The following ATAD5 variants were observed in gnomAD, a reference collection of about 807,000 sequenced individuals.
ATAD5 encodes the protein ATPase family AAA domain-containing protein 5.
Under a neutral mutation model 176.9 loss-of-function variants are expected in ATAD5, and 58 were observed. That is an observed-to-expected ratio of 0.33 (90% CI 0.27 to 0.41). ATAD5 has a LOEUF of 0.41. Ranked by LOEUF, ATAD5 falls within the 10% of genes least tolerant of loss-of-function variation. The pLI is 1.00. For synonymous variants in ATAD5, 640 were observed against 712.6 expected, an observed-to-expected ratio of 0.90 and a Z score of 1.62; for missense variants, 1,789 against 2,094.1, an observed-to-expected ratio of 0.85 and a Z score of 2.84.
At chr17:30,853,091 T>C (rs1159414971) in intron 6 of ATAD5, among the ~76,000 whole-genome samples, 1 of 151,932 alleles carries the variant, frequency 6.6e-6, no homozygotes, top group East Asian at 1.9e-4. Flanking sequence ...GGTTTCGCCA[T>C]GTTGGCCTGG....
intron 14 of ATAD5, among the ~76,000 whole-genome samples, chr17:30,874,370 G>A (rs1188427172): frequency 6.0e-5 from 9 of 149,962 alleles, no homozygotes; most frequent in East Asian, 4.0e-4. Context: ...TTGAAATCCC[G>A]TCTCTACTAA....
intron 6 of ATAD5, among the ~76,000 whole-genome samples, chr17:30,849,303 C>T (rs754758881): frequency 2.0e-5 from 3 of 152,102 alleles, no homozygotes; most frequent in Non-Finnish European, 2.9e-5. Context: ...TGCTGTGTTT[C>T]TCAGCCTGGC....
chr17:30,832,001 A>T lies in ATAD5; in HGVS notation c.-347A>T. 2.9e-6 allele frequency: 1 copy of T among 349,156 alleles called. No homozygotes were observed. Among genetic ancestry groups the T allele is most frequent in the Non-Finnish European group, 5.1e-6 (1 of 195,016 alleles). The allele number at this position is 349,156 out of a possible 1,614,324, so 21.6% of individuals were successfully genotyped here. ...CGGCGCGAAAACCCAATTGACAAGA[A>T]TTCCCTCCGAAGCTCTGTGGTCCGA... On this transcript the variant is annotated 5_prime_UTR_variant, in exon 1 of 23. Transcript: ENST00000321990.
In ATAD5 at chr17:30,894,125, T is replaced by C; in HGVS notation, c.5272T>C (p.Phe1758Leu). 6.4e-7 allele frequency: 1 copy of C among 1,569,364 alleles called. No homozygotes were observed. The highest frequency in any genetic ancestry group is 2.3e-5 in the East Asian group (1 of 44,144). The change falls in exon 21 of 23, where the codon TTT (phenylalanine) becomes CTT (leucine). Residue 1758 changes from phenylalanine to leucine, a missense_variant. By Grantham distance (22) the Phe-to-Leu change is conservative (BLOSUM62 0). Coordinates refer to ENST00000321990, the MANE Select transcript of ATAD5 (RefSeq NM_024857.5). ...TTCACAAAAGCGCAATAATGTATAC[T>C]TTAGTCAGTCAGCAGCTAATTTAGA... ...YVSQKRNNVY[F>L]SQSAANLDNA...
chr17:30,837,710 T>G (rs947404056), intron 3 of ATAD5, among the ~76,000 whole-genome samples: 1 of 152,196 alleles, frequency 6.6e-6, no homozygotes, highest in African/African-American at 2.4e-5. Flanking sequence ...AAGCATCAGC[T>G]ATGCAGTGTC....
At chr17:30,875,885 C>G (rs1908632174) in intron 14 of ATAD5, among the ~76,000 whole-genome samples, 1 of 151,418 alleles carries the variant, frequency 6.6e-6, no homozygotes, top group Non-Finnish European at 1.5e-5. Flanking sequence ...TGCCTGTAAT[C>G]CGAGCACTTT....
intron 6 of ATAD5, among the ~76,000 whole-genome samples, chr17:30,850,833 T>TATATTTATATA (rs1906849991): frequency 7.2e-5 from 2 of 27,832 alleles, no homozygotes; most frequent in African/African-American, 1.9e-4. Flanking sequence ...TTATATATTT[T>TATATTTATATA]TATATATATA....
chr17:30,884,430 T>C (rs1278900061), intron 18 of ATAD5, among the ~76,000 whole-genome samples: 24 of 136,974 alleles, frequency 1.8e-4, no homozygotes, highest in East Asian at 6.0e-4. Flanking sequence ...TTTTCTTTTT[T>C]TTTTTTTTTT....
At chr17:30,836,787 C>T (rs1345837127) in intron 2 of ATAD5, among the ~76,000 whole-genome samples, 5 of 151,676 alleles carry the variant, frequency 3.3e-5, no homozygotes, top group Non-Finnish European at 7.4e-5. Flanking sequence ...AGGCCAGTCT[C>T]GAACTCCTGA....
At chr17:30,867,803 C>T (rs1259549451) in intron 11 of ATAD5, among the ~76,000 whole-genome samples, 1 of 152,118 alleles carries the variant, frequency 6.6e-6, no homozygotes, top group African/African-American at 2.4e-5. Flanking sequence ...ACAGGTTTCG[C>T]TGTGTTGCCC....
intron 13 of ATAD5, 25 bp from the exon 14 acceptor site, chr17:30,869,471 G>A (rs199830827): frequency 6.2e-6 from 10 of 1,609,200 alleles, no homozygotes; most frequent in Middle Eastern, 1.7e-4. Context: ...TTCTCCCTTC[G>A]TTTTTTCTTA....
intron 3 of ATAD5, among the ~76,000 whole-genome samples, chr17:30,838,855 C>T (rs1905909710): frequency 6.6e-6 from 1 of 152,196 alleles, no homozygotes; most frequent in Admixed American, 6.6e-5. Flanking sequence ...TATTTTATCT[C>T]ATACTCTGTC....
intron 6 of ATAD5, among the ~76,000 whole-genome samples, chr17:30,847,174 A>G: frequency 6.6e-6 from 1 of 152,166 alleles, no homozygotes; most frequent in East Asian, 1.9e-4. Context: ...TTCTGTTGGT[A>G]TAGACTAGTT....
At chr17:30,878,996 T>C (rs1285138636) in intron 17 of ATAD5, among the ~76,000 whole-genome samples, 7 of 152,084 alleles carry the variant, frequency 4.6e-5, no homozygotes, top group Non-Finnish European at 1.0e-4. Flanking sequence ...CCTCCCAAAG[T>C]GCTGGGATCA....
Position 30,835,806 on chromosome 17 carries a change from A to T in ATAD5, c.1725A>T (p.Thr575=). The part of the protein sequence containing the change: ...TSIPVKDIKL[T]QSKAESEASL... Reference sequence around the variant, plus strand: ...TACCAGTTAAAGATATTAAGCTTACACAGTCTAAAGCTGAATCTGAAGCCA... The same window carrying T: ...TACCAGTTAAAGATATTAAGCTTACTCAGTCTAAAGCTGAATCTGAAGCCA... Residue 575 remains threonine, a synonymous_variant, in exon 2 of 23, where the codon ACA becomes ACT. Coordinates refer to ENST00000321990, the MANE Select transcript of ATAD5 (RefSeq NM_024857.5). 1 of 1,613,482 alleles carries T rather than the reference A, an allele frequency of 6.2e-7. No homozygotes were observed. The highest frequency in any genetic ancestry group is 8.5e-7 in the Non-Finnish European group (1 of 1,179,824).
Position 30,893,939 on chromosome 17 carries a change from A to G in ATAD5, c.5086A>G (p.Ser1696Gly), listed in dbSNP as rs761738131. Residue 1696 changes from serine to glycine, a missense_variant, in exon 21 of 23, where the codon AGT (serine) becomes GGT (glycine). Physicochemically the swap from Ser to Gly is moderately conservative, Grantham distance 56 (BLOSUM62 0). This residue lies in a region of ATAD5 where 403 missense variants were observed against 495.1 expected (regional missense o/e 0.81). Coordinates refer to ENST00000321990, the MANE Select transcript of ATAD5 (RefSeq NM_024857.5). Reference protein sequence around the residue: ...SGLCDEFSLESNDGWTSQSSG... With the variant: ...SGLCDEFSLEGNDGWTSQSSG... ...ACTTTGTGATGAGTTTAGTCTTGAG[A>G]GTAATGATGGATGGACTTCTCAAAG... 6.2e-7 allele frequency: 1 copy of G among 1,614,114 alleles called. No homozygotes were observed. The highest frequency in any genetic ancestry group is 2.2e-5 in the East Asian group (1 of 44,868).
At chr17:30,877,275 C>G (rs1244375458) in intron 15 of ATAD5, 141 bp from the exon 16 acceptor site, 2 of 597,932 alleles carry the variant, frequency 3.3e-6, no homozygotes, top group Non-Finnish European at 5.7e-6. Context: ...TCCCAAAGTG[C>G]TGGGATTACA....
intron 3 of ATAD5, among the ~76,000 whole-genome samples, chr17:30,839,580 C>CT (rs1250741925): frequency 0.12 from 13,494 of 112,186 alleles, 2,421 homozygotes; most frequent in African/African-American, 0.4. Flanking sequence ...CGGCCATCTT[C>CT]TTTTTTTTTT....
chr17:30,860,534 C>T lies in ATAD5; in HGVS notation c.3058C>T (p.Leu1020=). 6.3e-7 allele frequency: 1 copy of T among 1,599,628 alleles called. No homozygotes were observed. ...GAAACCAAATGAGTATTCAAAAAAT[C>T]TGGAGAAGACCAATAGGAAGTCAGA... ...RKKPNEYSKN[L]EKTNRKSEEL... Residue 1020 remains leucine, a synonymous_variant, in exon 10 of 23, where the codon CTG becomes TTG. Coordinates refer to ENST00000321990, the MANE Select transcript of ATAD5 (RefSeq NM_024857.5).
Sources: gnomAD v4.1 joint callset for allele counts (sites outside exome capture counted in the v4.1 genomes callset) on GRCh38, gnomAD v4.1.1 for gene constraint, gnomAD v4.1.1 regional missense constraint, MANE v1.5 for transcripts, NCBI Gene and HGNC (gene_info 2026-07-23, HGNC 2026-07-21) for gene names.